Variants in SPECC1 observed in about 807,000 individuals in gnomAD.
SPECC1 encodes sperm antigen with calponin homology and coiled-coil domains 1, also known as cytospin-B.
SPECC1 carries 62 observed loss-of-function variants against 104.1 expected under a neutral mutation model. The ratio of observed to expected loss-of-function variants is 0.60; its 90% CI spans 0.49 to 0.74. The LOEUF (loss-of-function observed/expected upper bound fraction) is 0.74. Ranked by LOEUF, SPECC1 falls within the 30% of genes least tolerant of loss-of-function variation. SPECC1 has a pLI of 0.00. For synonymous variants in SPECC1, 513 were observed against 501.6 expected (o/e 1.02, Z -0.30); for missense variants, 1,306 against 1,310.5 (o/e 1.00, Z 0.05).
intron 12 of SPECC1, among the ~76,000 whole-genome samples, chr17:20,291,886 A>G (rs1315518859): frequency 6.6e-6 from 1 of 150,902 alleles, no homozygotes; most frequent in African/African-American, 2.4e-5. Flanking sequence ...CTCATTGAGC[A>G]TTTGGTTTTC....
At chr17:20,255,717 A>G (rs911981663) in intron 10 of SPECC1, among the ~76,000 whole-genome samples, 4 of 152,020 alleles carry the variant, frequency 2.6e-5, no homozygotes, top group South Asian at 2.1e-4. Context: ...GGTGCATGTC[A>G]CCATGCCTGG....
intron 14 of SPECC1, among the ~76,000 whole-genome samples, chr17:20,309,815 C>CTTTTTTTTTTTTTT (rs763244105): frequency 9.7e-6 from 1 of 103,406 alleles, no homozygotes; most frequent in Non-Finnish European, 1.9e-5. Context: ...TTCTCCTTTT[C>CTTTTTTTTTTTTTT]TTTTTTTTTT....
At chr17:20,097,905 T>C (rs2047730207) in intron 2 of SPECC1, among the ~76,000 whole-genome samples, 1 of 152,222 alleles carries the variant, frequency 6.6e-6, no homozygotes, top group Non-Finnish European at 1.5e-5. Flanking sequence ...CCTGTCCTCC[T>C]ACCCGTTAAA....
chr17:20,060,894 C>T (rs559513241), intron 1 of SPECC1, among the ~76,000 whole-genome samples: 103 of 152,160 alleles, frequency 6.8e-4, no homozygotes, highest in Middle Eastern at 3.4e-3. Context: ...ATACATATTA[C>T]GAAAATATAT....
At chr17:20,034,258 C>T (rs866696686) in intron 1 of SPECC1, among the ~76,000 whole-genome samples, 21 of 151,178 alleles carry the variant, frequency 1.4e-4, no homozygotes, top group African/African-American at 4.7e-4. Flanking sequence ...CCATGACACC[C>T]GGCTAATTTT....
Position 20,253,492 on chromosome 17 carries a change from C to G in SPECC1, c.2599-13C>G, listed in dbSNP as rs190696085. On this transcript the variant is annotated splice_polypyrimidine_tract_variant and intron_variant, in intron 9 of 14. Transcript: ENST00000395527. ...ATGAGCTCACCGTGCTGGTGTCCCC[C>G]TGGTTTTTACAGAGGCATTCGACTT... is the stretch of plus-strand genomic sequence containing the variant. The G allele has an allele frequency of 8.1e-6, 13 of 1,613,796 alleles. No individual in the cohort carries two copies. In the East Asian group the frequency reaches 2.7e-4, roughly 33 times the overall value.
chr17:20,056,470 T>C (rs1027942857), intron 1 of SPECC1: 9 of 206,220 alleles, frequency 4.4e-5, no homozygotes, highest in Non-Finnish European at 7.4e-5. Context: ...CGCGATGATA[T>C]GTGCAGAAAA....
intron 3 of SPECC1, among the ~76,000 whole-genome samples, chr17:20,128,077 C>A (rs1007423321): frequency 6.6e-6 from 1 of 152,156 alleles, no homozygotes; most frequent in South Asian, 2.1e-4. Context: ...CAAATAATTT[C>A]TAATGAAGTG....
At chr17:20,047,507 G>A (rs576395011) in intron 1 of SPECC1, among the ~76,000 whole-genome samples, 10 of 152,194 alleles carry the variant, frequency 6.6e-5, no homozygotes, top group East Asian at 3.9e-4. Context: ...AAAGTTTTCC[G>A]GTGTTATATC....
chr17:20,249,592 A>T (rs1210866914), intron 9 of SPECC1, among the ~76,000 whole-genome samples: 2 of 152,196 alleles, frequency 1.3e-5, no homozygotes, highest in African/African-American at 2.4e-5. Context: ...ATAAGTGACA[A>T]GGTAGAGAAT....
chr17:20,125,305 G>A (rs529232070), intron 3 of SPECC1, among the ~76,000 whole-genome samples: 11 of 152,318 alleles, frequency 7.2e-5, no homozygotes, highest in South Asian at 6.2e-4. Context: ...TACTGAATGC[G>A]CGTCATGTTT....
intron 4 of SPECC1, among the ~76,000 whole-genome samples, chr17:20,225,307 G>C (rs2038135099): frequency 1.3e-5 from 2 of 152,194 alleles, no homozygotes; most frequent in Admixed American, 6.5e-5. Flanking sequence ...CAAGTCCACT[G>C]TCTGAGCCCA....
chr17:20,079,778 T>C (rs1273425241), intron 1 of SPECC1, among the ~76,000 whole-genome samples: 2 of 152,078 alleles, frequency 1.3e-5, no homozygotes, highest in African/African-American at 4.8e-5. Context: ...CAGTAAACAC[T>C]GATGAATTAT....
chr17:20,156,617 C>T (rs1383329763), intron 3 of SPECC1, among the ~76,000 whole-genome samples: 1 of 152,024 alleles, frequency 6.6e-6, no homozygotes, highest in Admixed American at 6.5e-5. Flanking sequence ...CCCTGTCGGC[C>T]GCCGGCCCCG....
At chr17:20,041,506 T>TGCA (rs1371220425) in intron 1 of SPECC1, among the ~76,000 whole-genome samples, 1 of 151,964 alleles carries the variant, frequency 6.6e-6, no homozygotes, top group Non-Finnish European at 1.5e-5. Flanking sequence ...CCTCCCAAAG[T>TGCA]GCAGGGATTA....
At chr17:20,238,875 CAT>C (rs1282478933) in intron 7 of SPECC1, 51 of 1,043,212 alleles carry the variant, frequency 4.9e-5, no homozygotes, top group Admixed American at 5.6e-5. Flanking sequence ...GCAAAATAAA[CAT>C]GTTATTATAT....
intron 1 of SPECC1, among the ~76,000 whole-genome samples, chr17:20,088,917 G>T (rs1050804569): frequency 6.6e-6 from 1 of 152,204 alleles, no homozygotes; most frequent in African/African-American, 2.4e-5. Flanking sequence ...TGCCCCTTCT[G>T]CCATGTGAGG....
At chr17:20,161,429 T>C (rs567476863) in intron 3 of SPECC1, among the ~76,000 whole-genome samples, 1 of 152,320 alleles carries the variant, frequency 6.6e-6, no homozygotes, top group African/African-American at 2.4e-5. Context: ...TTCTGTTCCA[T>C]AATTAGTATT....
intron 1 of SPECC1, among the ~76,000 whole-genome samples, chr17:20,068,370 A>G (rs1042288517): frequency 6.6e-6 from 1 of 152,100 alleles, no homozygotes; most frequent in African/African-American, 2.4e-5. Context: ...TACACTTTAT[A>G]TTTATCCATT....
Sources: allele counts gnomAD v4.1 joint callset (sites outside exome capture counted in the v4.1 genomes callset), GRCh38; gene constraint gnomAD v4.1.1; transcripts MANE v1.5; gene names NCBI Gene and HGNC (gene_info 2026-07-23, HGNC 2026-07-21).